The following TAMM41 variants were observed in gnomAD, a reference collection of about 807,000 sequenced individuals.
TAMM41 encodes the protein TAM41 mitochondrial translocator assembly and maintenance homolog.
In TAMM41, 36 loss-of-function variants were observed where a neutral mutation model predicts 44.1. The ratio of observed to expected loss-of-function variants is 0.82; its 90% CI spans 0.63 to 1.08. The LOEUF is 1.08. Among genes scored for constraint, TAMM41 ranks in the 50% least tolerant of loss-of-function variants. The probability of loss-of-function intolerance (pLI) is 0.00; values close to 1 mark genes in which losing one functional copy is unlikely to be tolerated. For missense variants in TAMM41, 417 were observed against 404.3 expected (o/e 1.03, Z -0.27); for synonymous variants, 164 against 153.1 (o/e 1.07, Z -0.53).
At chr3:11,828,802 G>C (rs1228603419) in intron 4 of TAMM41, among the ~76,000 whole-genome samples, 3 of 152,182 alleles carry the variant, frequency 2.0e-5, no homozygotes, top group Admixed American at 6.5e-5. Context: ...GTCTCTTACA[G>C]CATTAAATTT....
intron 7 of TAMM41, 115 bp downstream of exon 7, chr3:11,807,718 T>C (rs965768942): frequency 6.5e-7 from 1 of 1,536,068 alleles, no homozygotes; most frequent in Non-Finnish European, 8.7e-7. Flanking sequence ...TTTATGGCCA[T>C]CAAAGCTCAG....
At chr3:11,775,946 C>G in the TAMM41 span, among the ~76,000 whole-genome samples, 1 of 151,922 alleles carries the variant, frequency 6.6e-6, no homozygotes, top group Non-Finnish European at 1.5e-5. Context: ...TGTCTTCCAG[C>G]TGTTTGCAAA....
chr3:11,805,532 A>G (rs986838814), intron 7 of TAMM41, among the ~76,000 whole-genome samples: 6 of 152,114 alleles, frequency 3.9e-5, no homozygotes, highest in African/African-American at 1.4e-4. Context: ...CTGGCCTCCC[A>G]AAGTGCTGGG....
At chr3:11,845,073 T>C in intron 1 of TAMM41, 1 of 445,536 alleles carries the variant, frequency 2.2e-6, no homozygotes, top group Non-Finnish European at 4.5e-6. Context: ...GCCAGCATGT[T>C]CTGGAAGCTG....
chr3:11,829,937 C>T (rs2125031312), intron 3 of TAMM41, 73 bp from the exon 4 acceptor site: 1 of 1,420,956 alleles, frequency 7.0e-7, no homozygotes, highest in East Asian at 2.3e-5. Flanking sequence ...TACAAATGCA[C>T]TGGAACTATC....
chr3:11,732,670 G>A, the TAMM41 span, among the ~76,000 whole-genome samples: 1 of 152,214 alleles, frequency 6.6e-6, no homozygotes, highest in Non-Finnish European at 1.5e-5. Context: ...GGGTGATCAA[G>A]GAGGGCCTCT....
At chr3:11,781,298 A>G in the TAMM41 span, among the ~76,000 whole-genome samples, 1 of 152,242 alleles carries the variant, frequency 6.6e-6, no homozygotes, top group African/African-American at 2.4e-5. Context: ...GATGTCCTGT[A>G]GTGTTTGGAA....
chr3:11,746,037 A>G, the TAMM41 span, among the ~76,000 whole-genome samples: 1 of 152,228 alleles, frequency 6.6e-6, no homozygotes, highest in Non-Finnish European at 1.5e-5. Context: ...GCGGTCGCTC[A>G]CGCCTGTAAT....
At chr3:11,801,807 G>C (rs73132974) in intron 7 of TAMM41, among the ~76,000 whole-genome samples, 1 of 151,786 alleles carries the variant, frequency 6.6e-6, no homozygotes, top group Non-Finnish European at 1.5e-5. Context: ...AAAATATAAC[G>C]AAAACTATAA....
At chr3:11,784,849 G>A in the TAMM41 span, among the ~76,000 whole-genome samples, 1 of 147,116 alleles carries the variant, frequency 6.8e-6, no homozygotes, top group Non-Finnish European at 1.5e-5. Flanking sequence ...GTCCCCCAGG[G>A]TGGAGTGCAG....
At chr3:11,738,242 C>G in the TAMM41 span, among the ~76,000 whole-genome samples, 1 of 152,160 alleles carries the variant, frequency 6.6e-6, no homozygotes, top group Non-Finnish European at 1.5e-5. Flanking sequence ...TAATTAGGAG[C>G]ATAAGCCGTG....
the TAMM41 span, among the ~76,000 whole-genome samples, chr3:11,753,575 AT>A: frequency 2.0e-5 from 3 of 151,096 alleles, no homozygotes; most frequent in Non-Finnish European, 3.0e-5. Flanking sequence ...ATAAAAAAAA[AT>A]AAAAAATAAA....
the TAMM41 span, among the ~76,000 whole-genome samples, chr3:11,751,481 G>A: frequency 3.6e-3 from 554 of 152,282 alleles, 8 homozygotes; most frequent in African/African-American, 0.013. Context: ...CAAATGCCTC[G>A]GGAGGTAACC....
the TAMM41 span, among the ~76,000 whole-genome samples, chr3:11,749,974 T>C: frequency 2.0e-5 from 3 of 151,606 alleles, no homozygotes; most frequent in African/African-American, 7.3e-5. Context: ...CTGGGCTCAC[T>C]GCAAGCTCCA....
At chr3:11,749,289 A>G in the TAMM41 span, among the ~76,000 whole-genome samples, 1 of 152,178 alleles carries the variant, frequency 6.6e-6, no homozygotes, top group African/African-American at 2.4e-5. Flanking sequence ...TCCTTGTCAC[A>G]TAGCCAGTAA....
At chr3:11,821,100 G>A (rs2125000978) in intron 4 of TAMM41, among the ~76,000 whole-genome samples, 1 of 152,322 alleles carries the variant, frequency 6.6e-6, no homozygotes, top group African/African-American at 2.4e-5. Flanking sequence ...CAGATTTAAG[G>A]AGTTAGGGCA....
At chr3:11,743,945 G>T in the TAMM41 span, among the ~76,000 whole-genome samples, 1 of 152,158 alleles carries the variant, frequency 6.6e-6, no homozygotes, top group South Asian at 2.1e-4. Flanking sequence ...TGAACCAATC[G>T]CTCATCTTTA....
chr3:11,821,141 A>C (rs1417923489), intron 4 of TAMM41, among the ~76,000 whole-genome samples: 1 of 152,198 alleles, frequency 6.6e-6, no homozygotes, highest in Non-Finnish European at 1.5e-5. Flanking sequence ...CACCAGGAAG[A>C]GGTTTTGTGG....
rs1304245903 is a variant in TAMM41 at position 11,828,742 on chromosome 3, G to A, written c.562+972C>T. On this transcript the variant is annotated intron_variant, in intron 4 of 7. Transcript: ENST00000455809. ...TCTCTACAGTGTTGCAAATACAGCC[G>A]TAGTCATGGTAGATGAATTTTGGGA... Among the ~76,000 whole-genome samples, 5 of 152,172 alleles carry A rather than the reference G, an allele frequency of 3.3e-5. No individual in the cohort carries two copies. The South Asian group carries it at 6.2e-4, about 19-fold the overall frequency.
Sources: gnomAD v4.1 joint callset for allele counts (sites outside exome capture counted in the v4.1 genomes callset) on GRCh38, gnomAD v4.1.1 for gene constraint, MANE v1.5 for transcripts, NCBI Gene and HGNC (gene_info 2026-07-23, HGNC 2026-07-21) for gene names.